BIRC6: variants seen among roughly 807,000 people sequenced by gnomAD.
The protein encoded by BIRC6 is dual E2 ubiquitin-conjugating enzyme/E3 ubiquitin-protein ligase BIRC6.
BIRC6 carries 98 observed loss-of-function variants against 503.3 expected under a neutral mutation model. The ratio of observed to expected loss-of-function variants is 0.19; its 90% CI spans 0.17 to 0.23. The LOEUF (loss-of-function observed/expected upper bound fraction) is 0.23, where lower values mean the gene tolerates loss of function less well. Among genes scored for constraint, BIRC6 ranks in the 10% least tolerant of loss-of-function variants. The pLI, the probability that BIRC6 is intolerant of heterozygous loss-of-function variation, is 1.00. For missense variants in BIRC6, 5,360 were observed against 5,806.0 expected (o/e 0.92, Z 2.50); for synonymous variants, 2,240 against 2,078.7 (o/e 1.08, Z -2.11).
chr2:32,531,374 T>A lies in BIRC6; in HGVS notation c.12114T>A (p.Ala4038=). Residue 4038 remains alanine (A), a synonymous_variant, in exon 61 of 74, where the codon GCT becomes GCA. Coordinates refer to ENST00000421745, the MANE Select transcript of BIRC6 (RefSeq NM_016252.4). ...HPEKDHGDLL[A]SCPEDEALTP... is the part of the protein sequence containing the mutation. The stretch of plus-strand genomic sequence containing the variant: ...GTCTAGATCATGGAGACTTACTTGC[T>A]AGCTGTCCAGAAGATGAGGCTCTCA... 1.9e-6 allele frequency: 3 copies of A among 1,612,368 alleles called. No individual in the cohort carries two copies. Among genetic ancestry groups the A allele is most frequent in the Non-Finnish European group, 2.5e-6 (3 of 1,178,934 alleles).
In BIRC6 at chr2:32,467,714, C is replaced by A; in HGVS notation, c.5546C>A (p.Pro1849Gln). ...THSLILHDLI[P>Q]PPVCRFMKIT... ...TCACTAATTCTTCATGACTTAATAC[C>A]ACCTCCCGTGTGCAGATTCATGAAG... The change falls in exon 27 of 74, where the codon CCA (proline) becomes CAA (glutamine). Residue 1849 changes from proline (P) to glutamine (Q), a missense_variant. Physicochemically the swap from Pro to Gln is moderately conservative, Grantham distance 76. Around this residue, in one of 16 missense-constraint regions of BIRC6, gnomAD observed 2,299 missense variants for 2,267.2 expected, o/e 1.01. Coordinates refer to ENST00000421745, the MANE Select transcript of BIRC6 (RefSeq NM_016252.4). The A allele has an allele frequency of 6.2e-7, 1 of 1,613,490 alleles. No homozygotes were observed. Among genetic ancestry groups the A allele is most frequent in the Non-Finnish European group, 8.5e-7 (1 of 1,179,664 alleles).
intron 6 of BIRC6, among the ~76,000 whole-genome samples, chr2:32,399,759 T>G (rs2040394903): frequency 1.3e-5 from 2 of 151,902 alleles, no homozygotes; most frequent in Non-Finnish European, 2.9e-5. Flanking sequence ...GGTCCTAGTA[T>G]TTTATTTTTA....
rs1411302349 is a variant in BIRC6, at chr2:32,396,971, A to G, written c.1034+1378A>G. Among the ~76,000 whole-genome samples the G allele has an allele frequency of 2.6e-5, 4 of 151,996 alleles. No individual in the cohort carries two copies. In the East Asian group the frequency reaches 7.9e-4, roughly 30 times the overall value. On this transcript the variant is annotated intron_variant, in intron 6 of 73. Transcript: ENST00000421745. ...TCGAACTCCTGAGCTCAGGTGATCC[A>G]CCCACCTCAGCCTTCCGAAGTGTTG... is the stretch of plus-strand genomic sequence containing the variant.
intron 65 of BIRC6, among the ~76,000 whole-genome samples, chr2:32,561,491 C>T (rs535651145): frequency 1.3e-4 from 20 of 151,876 alleles, no homozygotes; most frequent in African/African-American, 3.4e-4. Flanking sequence ...CTGCCCACCT[C>T]GGCCTCCCAA....
In BIRC6 at chr2:32,415,143, C is replaced by G; in HGVS notation, c.1852C>G (p.Leu618Val). Residue 618 changes from leucine (L) to valine (V), a missense_variant, in exon 10 of 74, where the codon CTA becomes GTA. By Grantham distance (32) the Leu-to-Val change is conservative. Around this residue, in one of 16 missense-constraint regions of BIRC6, gnomAD observed 700 missense variants for 739.3 expected, o/e 0.95. Coordinates refer to ENST00000421745, the MANE Select transcript of BIRC6 (RefSeq NM_016252.4). ...TDNESCTNSE[L>V]NSPLVRRTLP... ...CAATGAATCCTGCACTAATTCAGAACTAAATTCTCCTCTGGTAAGGAGGAC... is the reference window on the plus strand; with the variant it reads ...CAATGAATCCTGCACTAATTCAGAAGTAAATTCTCCTCTGGTAAGGAGGAC... The G allele has an allele frequency of 6.2e-7, 1 of 1,613,986 alleles. No homozygotes were observed. The highest frequency in any genetic ancestry group is 8.5e-7 in the Non-Finnish European group (1 of 1,179,878).
At chr2:32,433,120 A>G (rs1160734412) in intron 12 of BIRC6, among the ~76,000 whole-genome samples, 1 of 152,216 alleles carries the variant, frequency 6.6e-6, no homozygotes, top group Non-Finnish European at 1.5e-5. Context: ...GAGTTCACTG[A>G]AAAATGAAGT....
At chr2:32,561,154 T>C (rs927566590) in intron 65 of BIRC6, among the ~76,000 whole-genome samples, 2 of 149,796 alleles carry the variant, frequency 1.3e-5, no homozygotes. Context: ...GCCGAGACCA[T>C]GCCATTGCAC....
chr2:32,439,767 T>G, intron 16 of BIRC6, 81 bp downstream of exon 16: 1 of 1,290,830 alleles, frequency 7.7e-7, no homozygotes, highest in Non-Finnish European at 1.1e-6. Context: ...AGAAGTAGTA[T>G]GACCTTTCAG....
In BIRC6 at chr2:32,611,573, A is replaced by G; in HGVS notation, c.14385A>G (p.Ala4795=). Residue 4795 remains alanine (A), a synonymous_variant, in exon 73 of 74, where the codon GCA becomes GCG. Transcript: ENST00000421745. ...RVGRTMSHHA[A]ALKRHTAQLR... ...GCAGGACTATGTCTCACCATGCAGC[A>G]GCTCTCAAGGTGAGTAAGCCTCTCT... 6.3e-7 allele frequency: 1 copy of G among 1,584,376 alleles called. No individual in the cohort carries two copies. The highest frequency in any genetic ancestry group is 8.6e-7 in the Non-Finnish European group (1 of 1,162,472).
chr2:32,575,638 A>G (rs1451195626), intron 66 of BIRC6, among the ~76,000 whole-genome samples: 1 of 151,854 alleles, frequency 6.6e-6, no homozygotes, highest in Non-Finnish European at 1.5e-5. Context: ...GGTGGCGGGC[A>G]CCTGTAGTCC....
intron 3 of BIRC6, among the ~76,000 whole-genome samples, chr2:32,382,419 A>G (rs568790527): frequency 1.3e-5 from 2 of 152,382 alleles, no homozygotes; most frequent in East Asian, 3.9e-4. Context: ...TCCTTTGCTG[A>G]AACAGTGCTG....
At chr2:32,414,271 C>G (rs1194760847) in intron 9 of BIRC6, among the ~76,000 whole-genome samples, 1 of 152,132 alleles carries the variant, frequency 6.6e-6, no homozygotes, top group African/African-American at 2.4e-5. Flanking sequence ...GAGCAAAACT[C>G]CATCTCCAGA....
chr2:32,383,262 C>T (rs745656023), intron 3 of BIRC6, among the ~76,000 whole-genome samples: 3 of 152,000 alleles, frequency 2.0e-5, no homozygotes, highest in African/African-American at 4.8e-5. Flanking sequence ...TCAGGCTGGT[C>T]TTGAACTCCT....
intron 54 of BIRC6, among the ~76,000 whole-genome samples, 186 bp downstream of exon 54, chr2:32,513,340 A>T (rs757780209): frequency 2.2e-4 from 33 of 152,366 alleles, no homozygotes; most frequent in Non-Finnish European, 3.1e-4. Flanking sequence ...TTAAGAAGAT[A>T]TGTTAGCAGT....
chr2:32,424,560 G>A (rs2043274450), intron 10 of BIRC6, among the ~76,000 whole-genome samples: 1 of 151,552 alleles, frequency 6.6e-6, no homozygotes, highest in African/African-American at 2.4e-5. Flanking sequence ...TGTTGCCCAG[G>A]CTGGAGTGCA....
intron 3 of BIRC6, among the ~76,000 whole-genome samples, chr2:32,386,212 G>C (rs982867481): frequency 6.6e-6 from 1 of 152,080 alleles, no homozygotes; most frequent in African/African-American, 2.4e-5. Context: ...TTTTTGTATA[G>C]TCCTTAAAAG....
intron 66 of BIRC6, among the ~76,000 whole-genome samples, chr2:32,589,438 T>A (rs1171827134): frequency 6.6e-6 from 1 of 152,168 alleles, no homozygotes; most frequent in Non-Finnish European, 1.5e-5. Context: ...TCTACCAGAC[T>A]CTTTTATTTT....
At chr2:32,540,322 A>G (rs190276476) in intron 61 of BIRC6, among the ~76,000 whole-genome samples, 20 of 152,200 alleles carry the variant, frequency 1.3e-4, no homozygotes, top group African/African-American at 4.3e-4. Flanking sequence ...TCAGAATTAA[A>G]GACATCACAT....
chr2:32,491,260 G>A (rs1419466592), intron 43 of BIRC6, among the ~76,000 whole-genome samples, 165 bp from the exon 44 acceptor site: 1 of 152,070 alleles, frequency 6.6e-6, no homozygotes, highest in Middle Eastern at 3.2e-3. Flanking sequence ...TAGATAGAGA[G>A]GGAAGTCCTG....
Sources: gnomAD v4.1 joint callset for allele counts (sites outside exome capture counted in the v4.1 genomes callset) on GRCh38, gnomAD v4.1.1 for gene constraint, gnomAD v4.1.1 regional missense constraint, MANE v1.5 for transcripts, NCBI Gene and HGNC (gene_info 2026-07-23, HGNC 2026-07-21) for gene names.